The following IL1R1 variants were observed in gnomAD, a reference collection of about 807,000 sequenced individuals.
IL1R1 encodes the protein interleukin-1 receptor type 1.
IL1R1 carries 22 observed loss-of-function variants against 50.2 expected under a neutral mutation model. The observed-to-expected ratio is 0.44, with a 90% CI of 0.31 to 0.63. The LOEUF (loss-of-function observed/expected upper bound fraction) is 0.63. IL1R1 is among the 20% of genes least tolerant of loss of function. The probability of loss-of-function intolerance (pLI) is 0.07; values close to 1 mark genes in which losing one functional copy is unlikely to be tolerated. For missense variants in IL1R1, 509 were observed against 676.2 expected (o/e 0.75, Z 2.74); for synonymous variants, 251 against 236.7 (o/e 1.06, Z -0.55).
At chr2:102,148,230 C>T (rs116778711) in intron 1 of IL1R1, among the ~76,000 whole-genome samples, 186 of 152,310 alleles carry the variant, frequency 1.2e-3, no homozygotes, top group African/African-American at 3.8e-3. Flanking sequence ...GTCCCCAGCA[C>T]GCTCTGTGGT....
intron 1 of IL1R1, among the ~76,000 whole-genome samples, chr2:102,089,243 T>C (rs1430271521): frequency 6.6e-6 from 1 of 152,218 alleles, no homozygotes; most frequent in South Asian, 2.1e-4. Flanking sequence ...GTGACTCTTC[T>C]TTGAATGCTT....
chr2:102,137,567 C>T (rs115473548), intron 1 of IL1R1, among the ~76,000 whole-genome samples: 28 of 152,236 alleles, frequency 1.8e-4, no homozygotes, highest in African/African-American at 6.5e-4. Flanking sequence ...CAGTCATGGT[C>T]CTTACCTGGC....
intron 2 of IL1R1, among the ~76,000 whole-genome samples, chr2:102,156,938 G>GTCAA (rs1684250104): frequency 1.3e-5 from 2 of 152,146 alleles, no homozygotes; most frequent in Non-Finnish European, 2.9e-5. Context: ...TATAGCTACG[G>GTCAA]ATAAGAATAT....
chr2:102,086,536 C>T lies in IL1R1; in HGVS notation c.-84+16003C>T, dbSNP rs930056028. On this transcript the variant is annotated intron_variant, in intron 1 of 11. Coordinates refer to the IL1R1 transcript ENST00000409929. ...TAAATATTTTCTACGCCTTTCTCCC[C>T]CTCTTTTTTTTTGGGGATTTTAATT... Among the ~76,000 whole-genome samples the T allele has an allele frequency of 2.8e-4, 40 of 143,774 alleles. 1 individual carries two copies. Among genetic ancestry groups the T allele is most frequent in the South Asian group, 7.4e-4 (3 of 4,054 alleles). 94.3% of individuals were successfully genotyped at this position (143,774 alleles called of 152,430 possible).
chr2:102,119,865 A>C lies in IL1R1; in HGVS notation c.-84+14993A>C, dbSNP rs545531708. 3.5e-3 allele frequency among the ~76,000 whole-genome samples: 527 copies of C among 152,312 alleles called. 2 individuals carry two copies. The highest frequency in any genetic ancestry group is 0.012 in the African/African-American group (503 of 41,566). On this transcript the variant is annotated intron_variant, in intron 1 of 10. Transcript: ENST00000409329. ...TCAAGTGTACGATACAGTATTACTC[A>C]CTATAGTCACCACGTTGTCCATTAG...
At chr2:102,107,982 T>C (rs188926639) in intron 1 of IL1R1, among the ~76,000 whole-genome samples, 82 of 152,306 alleles carry the variant, frequency 5.4e-4, no homozygotes, top group African/African-American at 1.8e-3. Flanking sequence ...AGCTATAAAA[T>C]TTAGACAGAA....
chr2:102,156,517 CTT>C (rs201323264), intron 2 of IL1R1, among the ~76,000 whole-genome samples: 2 of 145,908 alleles, frequency 1.4e-5, no homozygotes. Context: ...ACCTATACAC[CTT>C]TTTTTTTTTT....
intron 1 of IL1R1, among the ~76,000 whole-genome samples, chr2:102,125,915 C>T (rs1444555538): frequency 2.0e-5 from 3 of 151,988 alleles, no homozygotes; most frequent in Non-Finnish European, 2.9e-5. Flanking sequence ...AAACCATTGA[C>T]GAGGAGTGGA....
chr2:102,110,983 G>T (rs1401056100), intron 1 of IL1R1, among the ~76,000 whole-genome samples: 1 of 152,144 alleles, frequency 6.6e-6, no homozygotes, highest in Non-Finnish European at 1.5e-5. Context: ...GCATGAGAAG[G>T]AGCCAGCCAG....
intron 1 of IL1R1, among the ~76,000 whole-genome samples, chr2:102,083,377 G>T (rs1679300750): frequency 6.6e-6 from 1 of 152,076 alleles, no homozygotes; most frequent in Non-Finnish European, 1.5e-5. Context: ...CAGATGGATG[G>T]TGTGTTCCCC....
At chr2:102,169,289 G>A (rs1409578916) in intron 7 of IL1R1, among the ~76,000 whole-genome samples, 1 of 152,170 alleles carries the variant, frequency 6.6e-6, no homozygotes, top group African/African-American at 2.4e-5. Context: ...AGTAAAGAAA[G>A]AACCCCACAA....
At chr2:102,101,061 A>C (rs546556329), upstream of IL1R1, among the ~76,000 whole-genome samples, 8 of 152,290 alleles carry the variant, frequency 5.3e-5, no homozygotes, top group East Asian at 9.7e-4. Context: ...CATTTTGGAG[A>C]TCAGGTCAAT....
intron 1 of IL1R1, among the ~76,000 whole-genome samples, chr2:102,088,374 G>A (rs932470211): frequency 6.6e-6 from 1 of 151,910 alleles, no homozygotes; most frequent in Non-Finnish European, 1.5e-5. Context: ...AGAGCCCTTG[G>A]ATGACCAGTT....
At chr2:102,085,131 A>C (rs1679379081) in intron 1 of IL1R1, among the ~76,000 whole-genome samples, 1 of 152,190 alleles carries the variant, frequency 6.6e-6, no homozygotes, top group Non-Finnish European at 1.5e-5. Flanking sequence ...TCTGGGTAAG[A>C]ACACTTTGTC....
intron 1 of IL1R1, among the ~76,000 whole-genome samples, chr2:102,071,976 G>A (rs1035095323): frequency 1.3e-5 from 2 of 152,132 alleles, no homozygotes; most frequent in Non-Finnish European, 2.9e-5. Flanking sequence ...ATTGTACTTG[G>A]CCGGGTGTGG....
In IL1R1 at chr2:102,176,137, A is replaced by G; in HGVS notation, c.1304-216A>G. On this transcript the variant is annotated intron_variant, in intron 11 of 11. Transcript: ENST00000410023. Reference sequence around the variant, plus strand: ...AGGAGTTTGAGGCTGCAGTGATCCAAGATCACGCCACTGCGCTCCAGTGTG... The same window carrying G: ...AGGAGTTTGAGGCTGCAGTGATCCAGGATCACGCCACTGCGCTCCAGTGTG... 3 of 514,780 alleles carry G rather than the reference A, an allele frequency of 5.8e-6. No individual in the cohort carries two copies. The South Asian group carries it at 7.5e-5, about 13-fold the overall frequency. The allele number at this position is 514,780 out of a possible 1,614,324, so 31.9% of individuals were successfully genotyped here. A position where few individuals can be genotyped will look rare whatever the true frequency, so the allele number is the denominator to read the frequency against.
At position 102,171,892 on chromosome 2, in the gene IL1R1, C is replaced by G; in HGVS notation, c.813C>G (p.Asp271Glu). ...ATGGGTCAGTAATTGATGAAGATGA[C>G]CCAGTGCTAGGGGAAGACTATTACA... is the stretch of plus-strand genomic sequence containing the variant. ...KWNGSVIDED[D>E]PVLGEDYYSV... The change falls in exon 8 of 12, where the codon GAC becomes GAG. Residue 271 changes from aspartate to glutamate, a missense_variant. By Grantham distance (45) the Asp-to-Glu change is conservative. Transcript: ENST00000410023. The G allele has an allele frequency of 6.2e-7, 1 of 1,600,158 alleles. No individual in the cohort carries two copies. The highest frequency in any genetic ancestry group is 1.1e-5 in the South Asian group (1 of 90,184).
intron 1 of IL1R1, among the ~76,000 whole-genome samples, chr2:102,072,262 CAAA>C (rs1203487362): frequency 7.6e-5 from 6 of 78,554 alleles, no homozygotes; most frequent in African/African-American, 4.3e-5. Flanking sequence ...TCTGTGTCAC[CAAA>C]AAAAAAAAAA....
chr2:102,173,087 G>A (rs1685829010), intron 9 of IL1R1, among the ~76,000 whole-genome samples: 1 of 152,166 alleles, frequency 6.6e-6, no homozygotes. Context: ...TACTTCTGTA[G>A]CACCATATGT....
Sources: gnomAD v4.1 joint callset for allele counts (sites outside exome capture counted in the v4.1 genomes callset) on GRCh38, gnomAD v4.1.1 for gene constraint, MANE v1.5 for transcripts, NCBI Gene and HGNC (gene_info 2026-07-23, HGNC 2026-07-21) for gene names.